Variants in CAMTA1 observed in about 807,000 individuals in gnomAD.
CAMTA1 encodes the protein calmodulin-binding transcription activator 1.
In CAMTA1, 27 loss-of-function variants were observed where a neutral mutation model predicts 170.9. That is an observed-to-expected ratio of 0.16 (90% confidence interval 0.12 to 0.22). The LOEUF (loss-of-function observed/expected upper bound fraction) is 0.22. Among genes scored for constraint, CAMTA1 ranks in the 10% least tolerant of loss-of-function variants. The pLI is 1.00. For synonymous variants in CAMTA1, 833 were observed against 891.5 expected, an observed-to-expected ratio of 0.93 and a Z score of 1.17; for missense variants, 1,619 against 2,217.2, an observed-to-expected ratio of 0.73 and a Z score of 5.42.
At position 7,665,234 on chromosome 1, in the gene CAMTA1, C is replaced by T. The variant is rs1180979641; in HGVS notation, c.2652+35C>T. ...CGCCGCTGCCACCACCTGTCACCTC[C>T]CCTCCCACCCACCTCGCCAGCCCCT... is the stretch of plus-strand genomic sequence containing the variant. On this transcript the variant is annotated intron_variant, in intron 9 of 22. Coordinates refer to ENST00000303635, the MANE Select transcript of CAMTA1 (RefSeq NM_015215.4). This position sits in a 1 kb window ranked among gnomAD's most constrained non-coding sequence, Gnocchi z 4.3. The T allele has an allele frequency of 2.1e-6, 3 of 1,423,520 alleles. No individual in the cohort carries two copies. Among genetic ancestry groups the T allele is most frequent in the Admixed American group, 2.6e-5 (1 of 38,490 alleles). The allele number at this position is 1,423,520 out of a possible 1,614,324, so 88.2% of individuals were successfully genotyped here. A position where few individuals can be genotyped will look rare whatever the true frequency, so the allele number is the denominator to read the frequency against.
chr1:7,765,684 A>C lies in CAMTA1; in HGVS notation c.4990-775A>C, dbSNP rs72853884. On this transcript the variant is annotated intron_variant, in intron 22 of 22. Coordinates refer to ENST00000303635, the MANE Select transcript of CAMTA1 (RefSeq NM_015215.4). ...TATGATTAGGTTCAAGAAAGCTAAC[A>C]ATCTTGAGTCTATGAACAAAGCAGT... 3.9e-3 allele frequency among the ~76,000 whole-genome samples: 590 copies of C among 152,328 alleles called. 4 individuals carry two copies. The highest frequency in any genetic ancestry group is 0.013 in the African/African-American group (539 of 41,582).
chr1:7,270,666 A>G (rs1553296974), intron 5 of CAMTA1, among the ~76,000 whole-genome samples: 1 of 152,154 alleles, frequency 6.6e-6, no homozygotes, highest in Non-Finnish European at 1.5e-5. Context: ...CTATTTACAT[A>G]AAGGAACGAG....
chr1:7,537,660 G>A (rs748235704), intron 6 of CAMTA1, among the ~76,000 whole-genome samples: 1 of 152,152 alleles, frequency 6.6e-6, no homozygotes, highest in African/African-American at 2.4e-5. Context: ...TTCTCAGCCC[G>A]TCCTCACTGA....
chr1:7,450,563 G>A (rs1159100090), intron 5 of CAMTA1, among the ~76,000 whole-genome samples: 4 of 152,212 alleles, frequency 2.6e-5, no homozygotes, highest in Admixed American at 2.6e-4. Context: ...ACAGGTGCCC[G>A]GGGCTGCAGG....
rs1043080194 is a variant in CAMTA1 at position 6,970,878 on chromosome 1, C to T, written c.235-120426C>T. Reference sequence around the variant, plus strand: ...AGGCCAGTGGTAGTGTCTGCATGGACCGTTGCTGGCTGTGGTCCTCTGCAG... The same window carrying T: ...AGGCCAGTGGTAGTGTCTGCATGGATCGTTGCTGGCTGTGGTCCTCTGCAG... On this transcript the variant is annotated intron_variant, in intron 3 of 22. Transcript: ENST00000303635. This position sits in a 1 kb window ranked among gnomAD's most constrained non-coding sequence, Gnocchi z 4.4. Among the ~76,000 whole-genome samples the T allele has an allele frequency of 2.0e-5, 3 of 152,158 alleles. No homozygotes were observed. Among genetic ancestry groups the T allele is most frequent in the African/African-American group, 7.2e-5 (3 of 41,430 alleles).
At chr1:6,907,106 C>G (rs1678679524) in intron 3 of CAMTA1, among the ~76,000 whole-genome samples, 1 of 152,170 alleles carries the variant, frequency 6.6e-6, no homozygotes. Context: ...TGTGATTTGT[C>G]TGTTCTAATT....
At position 7,148,286 on chromosome 1, in the gene CAMTA1, A is replaced by C. The variant is rs536197468; in HGVS notation, c.302+56915A>C. ...ACACACACAAACATACACCAAGCAC[A>C]TGCATACACATACTACACAGTGAAA... On this transcript the variant is annotated intron_variant, in intron 4 of 22. Coordinates refer to ENST00000303635, the MANE Select transcript of CAMTA1 (RefSeq NM_015215.4). Among the ~76,000 whole-genome samples, 2 of 151,876 alleles carry C rather than the reference A, an allele frequency of 1.3e-5. 1 individual carries two copies. The highest frequency in any genetic ancestry group is 2.9e-5 in the Non-Finnish European group (2 of 67,940).
intron 3 of CAMTA1, among the ~76,000 whole-genome samples, chr1:6,831,669 CTAA>C (rs975429910): frequency 1.3e-5 from 2 of 152,146 alleles, no homozygotes; most frequent in African/African-American, 4.8e-5. Flanking sequence ...TATTTTTGAA[CTAA>C]TGTTCTTTTT....
chr1:7,712,782 C>T (rs1047251780), intron 11 of CAMTA1, among the ~76,000 whole-genome samples: 1 of 152,188 alleles, frequency 6.6e-6, no homozygotes, highest in Admixed American at 6.5e-5. Flanking sequence ...TTAATGGACT[C>T]AGTTCCACAT....
chr1:6,936,986 T>G (rs748551498), intron 3 of CAMTA1, among the ~76,000 whole-genome samples: 2 of 150,688 alleles, frequency 1.3e-5, no homozygotes, highest in Non-Finnish European at 3.0e-5. Context: ...AGACTCTGTT[T>G]AAAAAAAAAG....
chr1:7,590,520 C>G (rs1025934860), intron 6 of CAMTA1, among the ~76,000 whole-genome samples: 1 of 152,230 alleles, frequency 6.6e-6, no homozygotes, highest in Non-Finnish European at 1.5e-5. Context: ...GACAGTCTGG[C>G]TTTGCTGCCT....
chr1:7,661,969 G>T, intron 8 of CAMTA1, 103 bp downstream of exon 8: 1 of 1,335,876 alleles, frequency 7.5e-7, no homozygotes. Context: ...GACATCTAGT[G>T]AGGGAGGAGG....
At chr1:7,429,248 A>G (rs2092032095) in intron 5 of CAMTA1, among the ~76,000 whole-genome samples, 1 of 152,222 alleles carries the variant, frequency 6.6e-6, no homozygotes, top group Non-Finnish European at 1.5e-5. Context: ...GGTGGTTGCG[A>G]GGTTGAAATG....
chr1:7,579,050 A>T (rs1230530193), intron 6 of CAMTA1, among the ~76,000 whole-genome samples: 3 of 152,136 alleles, frequency 2.0e-5, no homozygotes, highest in Non-Finnish European at 4.4e-5. Context: ...AGGCTTATGG[A>T]GGGATTGACA....
intron 3 of CAMTA1, among the ~76,000 whole-genome samples, chr1:6,930,516 C>G (rs1180631038): frequency 6.6e-6 from 1 of 152,206 alleles, no homozygotes; most frequent in African/African-American, 2.4e-5. Flanking sequence ...CAGAAAGTTC[C>G]TCCAGCCTCC....
intron 3 of CAMTA1, among the ~76,000 whole-genome samples, chr1:7,040,997 C>T (rs937121742): frequency 1.3e-5 from 2 of 152,124 alleles, no homozygotes; most frequent in Non-Finnish European, 1.5e-5. Flanking sequence ...GCTGGGATTA[C>T]AGGCATGAGC....
intron 1 of CAMTA1, among the ~76,000 whole-genome samples, chr1:6,791,297 G>A (rs1243090915): frequency 3.3e-5 from 5 of 152,054 alleles, no homozygotes. Context: ...AGAAGGGGAT[G>A]CCCACCATCC....
At chr1:7,706,844 G>A (rs1411542438) in intron 11 of CAMTA1, among the ~76,000 whole-genome samples, 1 of 151,192 alleles carries the variant, frequency 6.6e-6, no homozygotes, top group African/African-American at 2.4e-5. Context: ...TTAAGGATTT[G>A]GCTTTGGTGA....
chr1:7,481,290 C>T (rs1284716592), intron 6 of CAMTA1, among the ~76,000 whole-genome samples: 1 of 152,204 alleles, frequency 6.6e-6, no homozygotes, highest in African/African-American at 2.4e-5. Flanking sequence ...CTTACCGTGA[C>T]CTCTGAAGAC....
Sources: gnomAD v4.1 joint callset for allele counts (sites outside exome capture counted in the v4.1 genomes callset) on GRCh38, gnomAD v4.1.1 for gene constraint, Gnocchi (gnomAD v3.1) non-coding constraint, MANE v1.5 for transcripts, NCBI Gene and HGNC (gene_info 2026-07-23, HGNC 2026-07-21) for gene names.